The following MPPED1 variants were observed in gnomAD, a reference collection of about 807,000 sequenced individuals.
MPPED1 encodes the protein metallophosphoesterase domain-containing protein 1.
Under a neutral mutation model 36.2 loss-of-function variants are expected in MPPED1, and 16 were observed. The ratio of observed to expected loss-of-function variants is 0.44; its 90% CI spans 0.30 to 0.67. The LOEUF (loss-of-function observed/expected upper bound fraction) is 0.67, where lower values mean the gene tolerates loss of function less well. Among genes scored for constraint, MPPED1 ranks in the 30% least tolerant of loss-of-function variants. The pLI is 0.10. For missense variants in MPPED1, 307 were observed against 453.4 expected, an observed-to-expected ratio of 0.68 and a Z score of 2.93; for synonymous variants, 199 against 191.3, an observed-to-expected ratio of 1.04 and a Z score of -0.33.
rs1931478392 is a variant in MPPED1 at position 43,474,465 on chromosome 22, G to T, written c.407-271G>T. Among the ~76,000 whole-genome samples, 1 of 152,244 alleles carries T rather than the reference G, an allele frequency of 6.6e-6. No individual in the cohort carries two copies. Among genetic ancestry groups the T allele is most frequent in the Admixed American group, 6.5e-5 (1 of 15,284 alleles). On this transcript the variant is annotated intron_variant, in intron 3 of 6. Coordinates refer to ENST00000443721, the MANE Select transcript of MPPED1 (RefSeq NM_001044370.2). The surrounding 1 kb of genome is among the most constrained non-coding windows in gnomAD (Gnocchi z 5.2). Reference sequence around the variant, plus strand: ...CCTGGCAGCAGGTACCCCTGTCAGCGATTCCAGCAGCTTCCTCCTGCCCGC... The same window carrying T: ...CCTGGCAGCAGGTACCCCTGTCAGCTATTCCAGCAGCTTCCTCCTGCCCGC...
chr22:43,422,096 C>T (rs567773567), intron 1 of MPPED1, among the ~76,000 whole-genome samples: 1 of 152,224 alleles, frequency 6.6e-6, no homozygotes, highest in South Asian at 2.1e-4. Context: ...AAATGAAGGC[C>T]CCAGATCCAG....
At chr22:43,476,276 T>G (rs1931574386) in intron 4 of MPPED1, among the ~76,000 whole-genome samples, 1 of 152,068 alleles carries the variant, frequency 6.6e-6, no homozygotes, top group Non-Finnish European at 1.5e-5. Flanking sequence ...TGAGGTGGGC[T>G]TCATACATGG....
intron 3 of MPPED1, among the ~76,000 whole-genome samples, chr22:43,466,996 C>G (rs895709722): frequency 2.6e-5 from 4 of 152,224 alleles, no homozygotes; most frequent in Non-Finnish European, 5.9e-5. Flanking sequence ...TCTTATCAAA[C>G]TTGCTTAAAA....
intron 5 of MPPED1, among the ~76,000 whole-genome samples, chr22:43,500,353 T>A (rs994271244): frequency 1.4e-5 from 2 of 141,274 alleles, no homozygotes; most frequent in Non-Finnish European, 3.1e-5. Flanking sequence ...GTGGTGATGG[T>A]GATGGAGGTG....
chr22:43,480,023 C>T (rs528137937), intron 4 of MPPED1, among the ~76,000 whole-genome samples: 21 of 152,230 alleles, frequency 1.4e-4, no homozygotes, highest in African/African-American at 4.3e-4. Flanking sequence ...CCACCACGCC[C>T]GGCTGATTTT....
chr22:43,472,409 G>A (rs913666901), intron 3 of MPPED1, among the ~76,000 whole-genome samples: 8 of 152,124 alleles, frequency 5.3e-5, no homozygotes, highest in African/African-American at 1.2e-4. Flanking sequence ...CTGCAAGGTC[G>A]CTGTTACTTT....
chr22:43,502,535 T>C lies in MPPED1; in HGVS notation c.749-109T>C. 1 of 802,244 alleles carries C rather than the reference T, an allele frequency of 1.2e-6. No individual in the cohort carries two copies. The allele number at this position is 802,244 out of a possible 1,614,324, so 49.7% of individuals were successfully genotyped here. A position where few individuals can be genotyped will look rare whatever the true frequency, so the allele number is the denominator to read the frequency against. ...AGGGGAGAGTGGTGCAAAGCCGGAGTCCGGAAGCCCCATGCCTTCTCCAGG... is the reference window on the plus strand; with the variant it reads ...AGGGGAGAGTGGTGCAAAGCCGGAGCCCGGAAGCCCCATGCCTTCTCCAGG... On this transcript the variant is annotated intron_variant, in intron 5 of 6. Coordinates refer to ENST00000443721, the MANE Select transcript of MPPED1 (RefSeq NM_001044370.2). The surrounding 1 kb of genome is among the most constrained non-coding windows in gnomAD (Gnocchi z 5.5).
At chr22:43,500,140 AGGTGGTGGG>A (rs1450328918) in intron 5 of MPPED1, among the ~76,000 whole-genome samples, 5 of 32,098 alleles carry the variant, frequency 1.6e-4, no homozygotes, top group African/African-American at 2.9e-4. Flanking sequence ...GTGGTAATGG[AGGTGGTGGG>A]GGTGGTGGTG....
At chr22:43,475,435 T>C (rs904948094) in intron 4 of MPPED1, among the ~76,000 whole-genome samples, 1 of 151,316 alleles carries the variant, frequency 6.6e-6, no homozygotes, top group Admixed American at 6.6e-5. Flanking sequence ...TGTCAGGGGC[T>C]GGGGGAGATG....
At chr22:43,456,314 A>G (rs942243029) in intron 3 of MPPED1, among the ~76,000 whole-genome samples, 2 of 152,144 alleles carry the variant, frequency 1.3e-5, no homozygotes, top group Non-Finnish European at 2.9e-5. Context: ...TTATTTAGAG[A>G]CAGGGTCTCA....
chr22:43,492,644 G>T (rs1490303331), intron 4 of MPPED1, among the ~76,000 whole-genome samples: 1 of 152,176 alleles, frequency 6.6e-6, no homozygotes, highest in African/African-American at 2.4e-5. Context: ...AACCCAGAAA[G>T]CACAGCCAGT....
At chr22:43,499,524 TGATGGA>T (rs1416399770) in intron 5 of MPPED1, among the ~76,000 whole-genome samples, 2 of 127,608 alleles carry the variant, frequency 1.6e-5, no homozygotes, top group East Asian at 2.6e-4. Context: ...ATGGTGGTGG[TGATGGA>T]GGTGGTGGTG....
intron 5 of MPPED1, among the ~76,000 whole-genome samples, chr22:43,499,704 A>G (rs866157127): frequency 2.5e-3 from 99 of 39,174 alleles, no homozygotes; most frequent in Non-Finnish European, 3.6e-3. Context: ...GGTGGAGGTG[A>G]TGATGGTGGT....
chr22:43,458,601 T>C (rs1407186766), intron 3 of MPPED1, among the ~76,000 whole-genome samples: 1 of 152,180 alleles, frequency 6.6e-6, no homozygotes, highest in Admixed American at 6.5e-5. Flanking sequence ...TCTTTTATAT[T>C]TACCTGTGTA....
At chr22:43,504,717 A>G (rs1000765271) in intron 6 of MPPED1, among the ~76,000 whole-genome samples, 1 of 148,918 alleles carries the variant, frequency 6.7e-6, no homozygotes, top group African/African-American at 2.5e-5. Context: ...TGGTGGTGAT[A>G]ATGATGATGA....
chr22:43,488,443 C>A (rs533273932), intron 4 of MPPED1, among the ~76,000 whole-genome samples: 1 of 152,324 alleles, frequency 6.6e-6, no homozygotes, highest in Non-Finnish European at 1.5e-5. Context: ...TCCCTGTTTG[C>A]GGCTGAGGAA....
At chr22:43,427,769 C>T (rs1929528581) in intron 2 of MPPED1, among the ~76,000 whole-genome samples, 1 of 152,024 alleles carries the variant, frequency 6.6e-6, no homozygotes, top group African/African-American at 2.4e-5. Context: ...TACTCCAGGT[C>T]GAGGGACCAC....
chr22:43,434,528 A>G (rs1383080507), intron 2 of MPPED1, among the ~76,000 whole-genome samples: 1 of 152,232 alleles, frequency 6.6e-6, no homozygotes, highest in Non-Finnish European at 1.5e-5. Flanking sequence ...GGGAGTGAAG[A>G]AAACGTCTTG....
At chr22:43,459,198 C>A (rs1176557712) in intron 3 of MPPED1, among the ~76,000 whole-genome samples, 2 of 152,120 alleles carry the variant, frequency 1.3e-5, no homozygotes, top group African/African-American at 4.8e-5. Flanking sequence ...TCTCAGCCTC[C>A]CAAGTAGCTG....
Sources: allele counts gnomAD v4.1 joint callset (sites outside exome capture counted in the v4.1 genomes callset), GRCh38; gene constraint gnomAD v4.1.1; non-coding constraint Gnocchi (gnomAD v3.1); transcripts MANE v1.5; gene names NCBI Gene and HGNC (gene_info 2026-07-23, HGNC 2026-07-21).